ABL1: variants seen among roughly 807,000 people sequenced by gnomAD.
ABL1 encodes the protein tyrosine-protein kinase ABL1.
A neutral mutation model predicts 94.7 loss-of-function variants in ABL1; 11 were observed. The ratio of observed to expected loss-of-function variants is 0.12; its 90% CI spans 0.07 to 0.19. The LOEUF (loss-of-function observed/expected upper bound fraction) is 0.19. Ranked by LOEUF, ABL1 falls within the 10% of genes least tolerant of loss-of-function variation. The probability of loss-of-function intolerance (pLI) is 1.00; values close to 1 mark genes in which losing one functional copy is unlikely to be tolerated. For missense variants in ABL1, 1,082 were observed against 1,489.4 expected (o/e 0.73, Z 4.50); for synonymous variants, 656 against 622.4 (o/e 1.05, Z -0.80).
At chr9:130,851,275 C>G (rs1032638711) in intron 1 of ABL1, among the ~76,000 whole-genome samples, 1 of 152,162 alleles carries the variant, frequency 6.6e-6, no homozygotes, top group Admixed American at 6.5e-5. Context: ...TAAGCTTCTT[C>G]TACACTCTAG....
In ABL1 at chr9:130,884,707, C is replaced by G; in HGVS notation, c.2417C>G (p.Pro806Arg). Residue 806 changes from proline to arginine, a missense_variant, in exon 11 of 11, where the codon CCG (proline) becomes CGG (arginine). Pro to Arg is a moderately radical substitution (Grantham distance 103). Coordinates refer to ENST00000318560, the MANE Select transcript of ABL1 (RefSeq NM_005157.6). This position sits in a 1 kb window ranked among gnomAD's most constrained non-coding sequence, Gnocchi z 5.6. Reference sequence around the variant, plus strand: ...TTCAAAGACATCATGGAGTCCAGCCCGGGCTCCAGCCCGCCCAACCTGACT... The same window carrying G: ...TTCAAAGACATCATGGAGTCCAGCCGGGGCTCCAGCCCGCCCAACCTGACT... Reference protein sequence around the residue: ...EVFKDIMESSPGSSPPNLTPK... With the variant: ...EVFKDIMESSRGSSPPNLTPK... The G allele has an allele frequency of 1.2e-6, 2 of 1,612,592 alleles. No homozygotes were observed. The highest frequency in any genetic ancestry group is 2.2e-5 in the East Asian group (1 of 44,842).
In ABL1 at chr9:130,884,838, C is replaced by A; in HGVS notation, c.2548C>A (p.Pro850Thr). 6.2e-7 allele frequency: 1 copy of A among 1,604,254 alleles called. No individual in the cohort carries two copies. The highest frequency in any genetic ancestry group is 8.5e-7 in the Non-Finnish European group (1 of 1,174,618). The change falls in exon 11 of 11, where the codon CCA becomes ACA. Residue 850 changes from proline to threonine, a missense_variant. By Grantham distance (38) the Pro-to-Thr change is conservative (BLOSUM62 -1). Transcript: ENST00000318560. The surrounding 1 kb of genome is among the most constrained non-coding windows in gnomAD (Gnocchi z 5.6). The part of the protein sequence containing the change: ...SALGTPAAAE[P>T]VTPTSKAGSG... ...CTTAGGGACCCCTGCTGCAGCTGAG[C>A]CAGTGACCCCCACCAGCAAAGCAGG...
At chr9:130,790,712 A>C (rs930100961) in intron 1 of ABL1, among the ~76,000 whole-genome samples, 1 of 151,304 alleles carries the variant, frequency 6.6e-6, no homozygotes, top group South Asian at 2.1e-4. Flanking sequence ...GGCCTCAAAC[A>C]CTCTTTCTGC....
At chr9:130,859,721 C>A (rs1255859137) in intron 3 of ABL1, among the ~76,000 whole-genome samples, 2 of 128,458 alleles carry the variant, frequency 1.6e-5, no homozygotes, top group African/African-American at 6.0e-5. Context: ...CAGGCTGTCA[C>A]CCAGGCTGGA....
chr9:130,819,538 T>G (rs531126701), intron 1 of ABL1, among the ~76,000 whole-genome samples: 22 of 139,778 alleles, frequency 1.6e-4, no homozygotes, highest in African/African-American at 6.1e-4. Flanking sequence ...ATACCTTTTT[T>G]TTTTTTTTTT....
At chr9:130,823,520 G>A (rs1243924808) in intron 1 of ABL1, among the ~76,000 whole-genome samples, 2 of 152,132 alleles carry the variant, frequency 1.3e-5, no homozygotes, top group African/African-American at 2.4e-5. Flanking sequence ...GGAGGGGCAC[G>A]ATGGCTCCTC....
intron 1 of ABL1, among the ~76,000 whole-genome samples, chr9:130,826,945 G>C (rs1830434199): frequency 6.6e-6 from 1 of 152,214 alleles, no homozygotes; most frequent in African/African-American, 2.4e-5. Flanking sequence ...GGGCGTGGTG[G>C]CGGGCGCCTG....
chr9:130,865,371 C>T (rs567433694), intron 4 of ABL1, among the ~76,000 whole-genome samples: 9 of 152,288 alleles, frequency 5.9e-5, no homozygotes, highest in Middle Eastern at 6.8e-3. Context: ...TTCCTCCTGG[C>T]CGTGCGCAGA....
At chr9:130,754,609 A>G (rs1165903664) in intron 1 of ABL1, among the ~76,000 whole-genome samples, 1 of 151,974 alleles carries the variant, frequency 6.6e-6, no homozygotes, top group Non-Finnish European at 1.5e-5. Context: ...GATGGAAGTC[A>G]CAAAATAAGG....
intron 1 of ABL1, among the ~76,000 whole-genome samples, chr9:130,776,986 T>C (rs1829666842): frequency 6.6e-6 from 1 of 152,156 alleles, no homozygotes; most frequent in Non-Finnish European, 1.5e-5. Context: ...TTTTCACTTA[T>C]TTTCTATTAA....
rs775005776 is a variant in ABL1 at position 130,854,048 on chromosome 9, C to T, written c.80-16C>T. ...TCTTCCTTTTTCTTTTTTCTGTTCC[C>T]CCCTTTCTCTTCCAGAAGCCCTTCA... On this transcript the variant is annotated splice_polypyrimidine_tract_variant and intron_variant, in intron 1 of 10. Coordinates refer to ENST00000318560, the MANE Select transcript of ABL1 (RefSeq NM_005157.6). The T allele has an allele frequency of 1.3e-6, 2 of 1,585,098 alleles. No individual in the cohort carries two copies. The highest frequency in any genetic ancestry group is 1.4e-5 in the African/African-American group (1 of 73,548).
intron 3 of ABL1, among the ~76,000 whole-genome samples, chr9:130,860,776 G>A (rs549478618): frequency 8.3e-4 from 126 of 152,314 alleles, no homozygotes; most frequent in African/African-American, 2.6e-3. Context: ...CTGAGCTAAC[G>A]TGAGAACAGG....
In ABL1 at chr9:130,765,505, A is replaced by C. The variant is rs192613216; in HGVS notation, c.136+51050A>C. ...TTTTGTACATTCTTATGGCCTTACGATAAATTCCTAGAAGTGGAATTTCTA... is the reference window on the plus strand; with the variant it reads ...TTTTGTACATTCTTATGGCCTTACGCTAAATTCCTAGAAGTGGAATTTCTA... On this transcript the variant is annotated intron_variant, in intron 1 of 10. Coordinates refer to the ABL1 transcript ENST00000372348. Among the ~76,000 whole-genome samples, 161 of 152,328 alleles carry C rather than the reference A, an allele frequency of 1.1e-3. 1 individual carries two copies. The highest frequency in any genetic ancestry group is 6.8e-3 in the Middle Eastern group (2 of 294).
chr9:130,820,404 C>T (rs1223403012), intron 1 of ABL1, among the ~76,000 whole-genome samples: 1 of 152,188 alleles, frequency 6.6e-6, no homozygotes, highest in Non-Finnish European at 1.5e-5. Flanking sequence ...TTCTGTGCCT[C>T]ACTGTCTTCA....
chr9:130,880,545 G>A lies in ABL1; in HGVS notation c.1559G>A (p.Ser520Asn), dbSNP rs1064157. ...LGKQGVRGAV[S>N]TLLQAPELPT... Reference sequence around the variant, plus strand: ...AAACAAGGCGTCCGTGGGGCTGTGAGTACCTTGCTGCAGGCCCCAGAGCTG... The same window carrying A: ...AAACAAGGCGTCCGTGGGGCTGTGAATACCTTGCTGCAGGCCCCAGAGCTG... The change falls in exon 10 of 11, where the codon AGT becomes AAT. Residue 520 changes from serine (S) to asparagine (N), a missense_variant. By Grantham distance (46) the Ser-to-Asn change is conservative. Transcript: ENST00000318560. The surrounding 1 kb of genome is among the most constrained non-coding windows in gnomAD (Gnocchi z 4.4). 6.2e-7 allele frequency: 1 copy of A among 1,613,968 alleles called. No individual in the cohort carries two copies. Among genetic ancestry groups the A allele is most frequent in the Non-Finnish European group, 8.5e-7 (1 of 1,179,922 alleles).
At position 130,835,804 on chromosome 9, in the gene ABL1, G is replaced by A. The variant is rs1830570933; in HGVS notation, c.79+279G>A. Among the ~76,000 whole-genome samples the A allele has an allele frequency of 1.3e-5, 2 of 152,062 alleles. No individual in the cohort carries two copies. The highest frequency in any genetic ancestry group is 6.5e-5 in the Admixed American group (1 of 15,280). On this transcript the variant is annotated intron_variant, in intron 1 of 10. Transcript: ENST00000318560. This position sits in a 1 kb window ranked among gnomAD's most constrained non-coding sequence, Gnocchi z 4.6. ...CTCGCGATGGCCCCTAGGCGCCGCC[G>A]GCGGAGCGTGGCCCCCAGCCCCGGC...
chr9:130,715,868 A>C (rs1831430730), intron 1 of ABL1, among the ~76,000 whole-genome samples: 1 of 152,070 alleles, frequency 6.6e-6, no homozygotes, highest in African/African-American at 2.4e-5. Context: ...ATAGAGTACC[A>C]AGGTCTTGTC....
intron 1 of ABL1, among the ~76,000 whole-genome samples, chr9:130,827,653 G>C (rs182580304): frequency 3.3e-5 from 5 of 152,228 alleles, no homozygotes. Context: ...CCAACACTTT[G>C]GGAGGCTGAG....
chr9:130,882,181 T>C (rs1831468529), intron 10 of ABL1, among the ~76,000 whole-genome samples: 1 of 152,190 alleles, frequency 6.6e-6, no homozygotes, highest in South Asian at 2.1e-4. Context: ...GCTGTGCTTA[T>C]TAAGAACCCA....
Sources: gnomAD v4.1 joint callset for allele counts (sites outside exome capture counted in the v4.1 genomes callset) on GRCh38, gnomAD v4.1.1 for gene constraint, Gnocchi (gnomAD v3.1) non-coding constraint, MANE v1.5 for transcripts, NCBI Gene and HGNC (gene_info 2026-07-23, HGNC 2026-07-21) for gene names.